The following GPR132 variants were observed in gnomAD, a reference collection of about 807,000 sequenced individuals.
GPR132 encodes G protein-coupled receptor 132, also known as probable G protein-coupled receptor 132.
A neutral mutation model predicts 1.9 loss-of-function variants in GPR132; 4 were observed. The observed-to-expected ratio is 2.13, with a 90% CI of 1.05 to 4.87. The LOEUF (loss-of-function observed/expected upper bound fraction) is 4.87, where lower values mean the gene tolerates loss of function less well. Ranked by LOEUF, GPR132 falls within the 30% of genes most tolerant of loss-of-function variation. The probability of loss-of-function intolerance (pLI) is 0.01; values close to 1 mark genes in which losing one functional copy is unlikely to be tolerated. For synonymous variants in GPR132, 233 were observed against 234.2 expected, an observed-to-expected ratio of 0.99 and a Z score of 0.05; for missense variants, 404 against 512.5, an observed-to-expected ratio of 0.79 and a Z score of 2.04.
In GPR132 at chr14:105,059,122, G is replaced by A. The variant is rs746447738; in HGVS notation, c.-860-1842C>T. On this transcript the variant is annotated intron_variant, in intron 1 of 3. Coordinates refer to ENST00000329797, the MANE Select transcript of GPR132 (RefSeq NM_013345.4). The surrounding 1 kb of genome is among the most constrained non-coding windows in gnomAD (Gnocchi z 4.2). The stretch of plus-strand genomic sequence containing the variant: ...CAGCAGGTGCAGTCAGTCTCCCAGT[G>A]CACACTCCCCTCCCAGGGCAGGGCC... 1.3e-5 allele frequency among the ~76,000 whole-genome samples: 2 copies of A among 152,204 alleles called. No homozygotes were observed. Among genetic ancestry groups the A allele is most frequent in the Non-Finnish European group, 2.9e-5 (2 of 68,028 alleles).
rs1566732175 is a variant in GPR132 at position 105,051,406 on chromosome 14, G to T, written c.731C>A (p.Ala244Asp). 1.2e-6 allele frequency: 2 copies of T among 1,614,116 alleles called. No individual in the cohort carries two copies. Among genetic ancestry groups the T allele is most frequent in the Non-Finnish European group, 8.5e-7 (1 of 1,180,018 alleles). Reference sequence around the variant, plus strand: ...TAGGAAGATGACAACCACCGCGATGGCCGAGTGCTTCACCTTGGCCTTCTG... The same window carrying T: ...TAGGAAGATGACAACCACCGCGATGTCCGAGTGCTTCACCTTGGCCTTCTG... ...AAQKAKVKHS[A>D]IAVVVIFLVC... The change falls in exon 4 of 4, where the codon GCC becomes GAC. Residue 244 changes from alanine (A) to aspartate (D), a missense_variant. Transcript: ENST00000329797. The surrounding 1 kb of genome is among the most constrained non-coding windows in gnomAD (Gnocchi z 8.0).
rs887866441 is a variant in GPR132 at position 105,059,350 on chromosome 14, G to A, written c.-860-2070C>T. ...CACACCAAGGGCTCTGGGCCAGCAG[G>A]TGGGGCTGCCTGTGTGTTGACATCC... On this transcript the variant is annotated intron_variant, in intron 1 of 3. Coordinates refer to ENST00000329797, the MANE Select transcript of GPR132 (RefSeq NM_013345.4). The surrounding 1 kb of genome is among the most constrained non-coding windows in gnomAD (Gnocchi z 4.2). 6.6e-6 allele frequency among the ~76,000 whole-genome samples: 1 copy of A among 152,236 alleles called. No homozygotes were observed. Among genetic ancestry groups the A allele is most frequent in the Non-Finnish European group, 1.5e-5 (1 of 68,032 alleles).
intron 1 of GPR132, among the ~76,000 whole-genome samples, chr14:105,058,347 G>A (rs1886855187): frequency 6.6e-6 from 1 of 152,160 alleles, no homozygotes; most frequent in Admixed American, 6.5e-5. Context: ...GCTACAGAGA[G>A]AGACCCCGTC....
rs530743259 is a variant in GPR132 at position 105,056,517 on chromosome 14, C to G, written c.-746-351G>C. ...GGGTGGCCAGAGGGGTCCCTCCCACCTCAGCCTGCACAGAGCCGCTCTGGT... is the reference window on the plus strand; with the variant it reads ...GGGTGGCCAGAGGGGTCCCTCCCACGTCAGCCTGCACAGAGCCGCTCTGGT... On this transcript the variant is annotated intron_variant, in intron 2 of 3. Coordinates refer to ENST00000329797, the MANE Select transcript of GPR132 (RefSeq NM_013345.4). This position sits in a 1 kb window ranked among gnomAD's most constrained non-coding sequence, Gnocchi z 6.0. Among the ~76,000 whole-genome samples the G allele has an allele frequency of 3.2e-3, 488 of 152,336 alleles. 3 individuals are homozygous for G. The highest frequency in any genetic ancestry group is 5.0e-3 in the Non-Finnish European group (342 of 68,032).
At position 105,056,226 on chromosome 14, in the gene GPR132, C is replaced by T. The variant is rs1057281899; in HGVS notation, c.-746-60G>A. On this transcript the variant is annotated intron_variant, in intron 2 of 3. Transcript: ENST00000329797. The surrounding 1 kb of genome is among the most constrained non-coding windows in gnomAD (Gnocchi z 6.0). ...GCCTCACACTCAGTTGTCACCACTT[C>T]GCCCAAGACACAGGCCTGTGGCGGG... The T allele has an allele frequency of 2.0e-5, 19 of 955,606 alleles. No individual in the cohort carries two copies. The highest frequency in any genetic ancestry group is 1.2e-4 in the East Asian group (1 of 8,638). 59.2% of individuals were successfully genotyped at this position (955,606 alleles called of 1,614,324 possible). A position where few individuals can be genotyped will look rare whatever the true frequency, so the allele number is the denominator to read the frequency against.
chr14:105,062,150 TG>T (rs901708879), intron 1 of GPR132, among the ~76,000 whole-genome samples: 3 of 152,204 alleles, frequency 2.0e-5, no homozygotes, highest in Non-Finnish European at 4.4e-5. Context: ...GACCACAGTG[TG>T]TGTGGGCCCA....
chr14:105,056,047 ACGGTGGTGGCGCTGGCCCACCTTCCCC>A lies in GPR132; in HGVS notation c.-654_-628del. On this transcript the variant is annotated 5_prime_UTR_variant, in exon 3 of 4. Transcript: ENST00000329797. The surrounding 1 kb of genome is among the most constrained non-coding windows in gnomAD (Gnocchi z 6.0). ...GTGGGGTGCCTCCGCGCTGTTCTCCACGGTGGTGGCGCTGGCCCACCTTCCCCCGGCGGTGTGCAGGGCTCCGGTCTC... is the reference window on the plus strand; with the variant it reads ...GTGGGGTGCCTCCGCGCTGTTCTCCACGGCGGTGTGCAGGGCTCCGGTCTC... 2 of 713,446 alleles carry A rather than the reference ACGGTGGTGGCGCTGGCCCACCTTCCCC, an allele frequency of 2.8e-6. No individual in the cohort carries two copies. The highest frequency in any genetic ancestry group is 3.4e-6 in the Non-Finnish European group (2 of 581,200). The allele number at this position is 713,446 out of a possible 1,614,324, so 44.2% of individuals were successfully genotyped here. A position where few individuals can be genotyped will look rare whatever the true frequency, so the allele number is the denominator to read the frequency against.
chr14:105,056,076 G>T lies in GPR132; in HGVS notation c.-656C>A, dbSNP rs1000695557. 4.3e-6 allele frequency: 4 copies of T among 932,846 alleles called. No individual in the cohort carries two copies. The South Asian group carries it at 2.0e-4, about 46-fold the overall frequency. The allele number at this position is 932,846 out of a possible 1,614,324, so 57.8% of individuals were successfully genotyped here. A position where few individuals can be genotyped will look rare whatever the true frequency, so the allele number is the denominator to read the frequency against. ...TGGTGGCGCTGGCCCACCTTCCCCCGGCGGTGTGCAGGGCTCCGGTCTCCC... is the reference window on the plus strand; with the variant it reads ...TGGTGGCGCTGGCCCACCTTCCCCCTGCGGTGTGCAGGGCTCCGGTCTCCC... On this transcript the variant is annotated 5_prime_UTR_variant, in exon 3 of 4. Transcript: ENST00000329797. The surrounding 1 kb of genome is among the most constrained non-coding windows in gnomAD (Gnocchi z 6.0).
intron 3 of GPR132, among the ~76,000 whole-genome samples, chr14:105,053,101 G>A (rs1257820911): frequency 6.6e-6 from 1 of 151,318 alleles, no homozygotes; most frequent in Non-Finnish European, 1.5e-5. Flanking sequence ...CTTCCCACCT[G>A]GCCCCATAGC....
At chr14:105,062,479 CTT>C (rs943294149) in intron 1 of GPR132, among the ~76,000 whole-genome samples, 1 of 151,456 alleles carries the variant, frequency 6.6e-6, no homozygotes, top group Non-Finnish European at 1.5e-5. Context: ...CATGTTTTCT[CTT>C]TCTTTTTTTC....
chr14:105,053,015 CTG>C (rs1886692928), intron 3 of GPR132, among the ~76,000 whole-genome samples: 1 of 151,848 alleles, frequency 6.6e-6, no homozygotes, highest in Non-Finnish European at 1.5e-5. Context: ...CCTGTAATTG[CTG>C]TGTGAGTGCT....
chr14:105,055,416 C>T lies in GPR132; in HGVS notation c.5G>A (p.Cys2Tyr), dbSNP rs766028770. The change falls in exon 3 of 4, where the codon TGC becomes TAC. Residue 2 changes from cysteine (C) to tyrosine (Y), a missense_variant. Transcript: ENST00000329797. This position sits in a 1 kb window ranked among gnomAD's most constrained non-coding sequence, Gnocchi z 4.7. M[C>Y]PMLLKNGYNG... is the part of the protein sequence containing the mutation. Reference sequence around the variant, plus strand: ...GTAACCGTTTTTCAGTAGCATTGGGCACATTCACATTCTTCTGCAACCATC... The same window carrying T: ...GTAACCGTTTTTCAGTAGCATTGGGTACATTCACATTCTTCTGCAACCATC... 4 of 780,930 alleles carry T rather than the reference C, an allele frequency of 5.1e-6. 1 individual carries two copies. The South Asian group carries it at 5.4e-5, about 10-fold the overall frequency. The allele number at this position is 780,930 out of a possible 1,614,324, so 48.4% of individuals were successfully genotyped here.
Position 105,059,078 on chromosome 14 carries a change from C to T in GPR132, c.-860-1798G>A, listed in dbSNP as rs1342162920. Among the ~76,000 whole-genome samples the T allele has an allele frequency of 6.6e-6, 1 of 152,244 alleles. No homozygotes were observed. Among genetic ancestry groups the T allele is most frequent in the Non-Finnish European group, 1.5e-5 (1 of 68,044 alleles). On this transcript the variant is annotated intron_variant, in intron 1 of 3. Transcript: ENST00000329797. This position sits in a 1 kb window ranked among gnomAD's most constrained non-coding sequence, Gnocchi z 4.2. Reference sequence around the variant, plus strand: ...CTGCCTGGTGCTGCCCTCTATCAGCCGAGACCCTCATGGGAAGCCAGCAGG... The same window carrying T: ...CTGCCTGGTGCTGCCCTCTATCAGCTGAGACCCTCATGGGAAGCCAGCAGG...
rs983003870 is a variant in GPR132 at position 105,051,964 on chromosome 14, G to A, written c.173C>T (p.Pro58Leu). The stretch of plus-strand genomic sequence containing the variant: ...CAGCCACGCAGTCAGGCAGTTGGCC[G>A]GCACCCCCAGCGTGCACACCGCGCT... ...VYSAVCTLGVPANCLTAWLAL... is the reference protein window; with the variant it reads ...VYSAVCTLGVLANCLTAWLAL... Residue 58 changes from proline to leucine, a missense_variant, in exon 4 of 4, where the codon CCG becomes CTG. Pro to Leu is a moderately conservative substitution (Grantham distance 98). Coordinates refer to ENST00000329797, the MANE Select transcript of GPR132 (RefSeq NM_013345.4). This position sits in a 1 kb window ranked among gnomAD's most constrained non-coding sequence, Gnocchi z 8.0. 2.5e-5 allele frequency: 41 copies of A among 1,613,388 alleles called. No individual in the cohort carries two copies. The highest frequency in any genetic ancestry group is 3.5e-5 in the Non-Finnish European group (41 of 1,179,984).
intron 3 of GPR132, chr14:105,054,414 G>A (rs975059090): frequency 3.1e-6 from 3 of 977,776 alleles, no homozygotes. Context: ...CCATTGTGTC[G>A]CTCTTTTTTT....
chr14:105,057,400 G>T, intron 1 of GPR132, 120 bp from the exon 2 acceptor site: 1 of 468,016 alleles, frequency 2.1e-6, no homozygotes. Flanking sequence ...ATTCGTAGGT[G>T]TTTTTTAAAT....
chr14:105,062,779 G>T (rs1595142448), intron 1 of GPR132, among the ~76,000 whole-genome samples: 2 of 151,472 alleles, frequency 1.3e-5, no homozygotes, highest in East Asian at 1.9e-4. Context: ...GGGCTCCAAT[G>T]ATCCTCCTGC....
At position 105,054,427 on chromosome 14, in the gene GPR132, C is replaced by CTTT. The variant is rs59700022; in HGVS notation, c.34+957_34+959dup. On this transcript the variant is annotated intron_variant, in intron 3 of 3. Coordinates refer to ENST00000329797, the MANE Select transcript of GPR132 (RefSeq NM_013345.4). ...CCCCATTGTGTCGCTCTTTTTTTTT[C>CTTT]TTTTTTTTTTTTTTGAGACGTAGTC... The CTTT allele has an allele frequency of 1.5e-3, 1,277 of 859,024 alleles. 1 individual carries two copies. Among genetic ancestry groups the CTTT allele is most frequent in the East Asian group, 7.8e-3 (61 of 7,804 alleles). 53.2% of individuals were successfully genotyped at this position (859,024 alleles called of 1,614,324 possible). A position where few individuals can be genotyped will look rare whatever the true frequency, so the allele number is the denominator to read the frequency against.
At chr14:105,063,416 C>T (rs1252730899) in intron 1 of GPR132, among the ~76,000 whole-genome samples, 2 of 151,802 alleles carry the variant, frequency 1.3e-5, no homozygotes, top group African/African-American at 2.4e-5. Context: ...CTCTCGTTGC[C>T]CAGGCTGGAG....
Sources: gnomAD v4.1 joint callset for allele counts (sites outside exome capture counted in the v4.1 genomes callset) on GRCh38, gnomAD v4.1.1 for gene constraint, Gnocchi (gnomAD v3.1) non-coding constraint, MANE v1.5 for transcripts, NCBI Gene and HGNC (gene_info 2026-07-23, HGNC 2026-07-21) for gene names.